The following CTNNA3 variants were observed in gnomAD, a reference collection of about 807,000 sequenced individuals.
The protein encoded by CTNNA3 is catenin alpha 3, also known as catenin alpha-3.
Under a neutral mutation model 95.7 loss-of-function variants are expected in CTNNA3, and 76 were observed. That is an observed-to-expected ratio of 0.79 (90% CI 0.66 to 0.96). The LOEUF (loss-of-function observed/expected upper bound fraction) is 0.96, where lower values mean the gene tolerates loss of function less well. CTNNA3 is among the 40% of genes least tolerant of loss of function. The pLI is 0.00. For synonymous variants in CTNNA3, 431 were observed against 374.4 expected (o/e 1.15, Z -1.74); for missense variants, 1,191 against 1,089.8 (o/e 1.09, Z -1.31).
intron 7 of CTNNA3, among the ~76,000 whole-genome samples, chr10:66,801,693 T>C (rs988804561): frequency 6.6e-6 from 1 of 151,636 alleles, no homozygotes; most frequent in Non-Finnish European, 1.5e-5. Flanking sequence ...GATTACTCAA[T>C]GGATTCATTA....
At chr10:65,966,314 T>C (rs2077964664) in intron 17 of CTNNA3, among the ~76,000 whole-genome samples, 1 of 152,204 alleles carries the variant, frequency 6.6e-6, no homozygotes, top group African/African-American at 2.4e-5. Context: ...GTTCCATCTG[T>C]ACACATTCTG....
chr10:66,114,444 ATATATGTATATATGTGTATATATGTGCG>A (rs1245232260), intron 13 of CTNNA3, among the ~76,000 whole-genome samples: 4 of 148,186 alleles, frequency 2.7e-5, no homozygotes, highest in South Asian at 2.1e-4. Context: ...ATATATGTGT[ATATATGTATATATGTGTATATATGTGCG>A]TATATGTATA....
intron 5 of CTNNA3, chr10:67,334,184 G>T: frequency 6.4e-6 from 1 of 155,766 alleles, no homozygotes; most frequent in Non-Finnish European, 1.4e-5. Context: ...GAAGCAGAAG[G>T]CCAACAAGGT....
rs114981035 is a variant in CTNNA3 at position 66,322,646 on chromosome 10, C to A, written c.1733-42025G>T. On this transcript the variant is annotated intron_variant, in intron 12 of 17. Coordinates refer to ENST00000433211, the MANE Select transcript of CTNNA3 (RefSeq NM_013266.4). ...AAACAAACAAGTGCCAGGAAAAGAA[C>A]AAATCCTGGTTGGCGGGAGGGAGTT... Among the ~76,000 whole-genome samples the A allele has an allele frequency of 6.0e-3, 920 of 152,168 alleles. 8 individuals are homozygous for A. Among genetic ancestry groups the A allele is most frequent in the African/African-American group, 0.021 (866 of 41,550 alleles).
intron 7 of CTNNA3, among the ~76,000 whole-genome samples, chr10:66,821,777 T>C (rs1842311965): frequency 6.6e-6 from 1 of 152,172 alleles, no homozygotes; most frequent in Admixed American, 6.6e-5. Flanking sequence ...GCTTTTATCA[T>C]CGTATTTATT....
chr10:67,370,377 T>C (rs1250906071), intron 5 of CTNNA3, among the ~76,000 whole-genome samples: 1 of 147,170 alleles, frequency 6.8e-6, no homozygotes, highest in Non-Finnish European at 1.5e-5. Context: ...GGTAATTATC[T>C]ATACTCTGCT....
chr10:66,139,926 T>C (rs758869272), intron 13 of CTNNA3, among the ~76,000 whole-genome samples: 3 of 152,316 alleles, frequency 2.0e-5, no homozygotes, highest in Middle Eastern at 3.4e-3. Flanking sequence ...GTAAAGGGAC[T>C]AGGAGGATCA....
intron 3 of CTNNA3, among the ~76,000 whole-genome samples, chr10:67,547,755 C>G (rs1840889791): frequency 3.9e-5 from 6 of 152,152 alleles, no homozygotes; most frequent in Admixed American, 3.9e-4. Context: ...GATTCTGAAC[C>G]ATTACAAAAG....
At chr10:67,162,763 C>A (rs1229194924) in intron 7 of CTNNA3, among the ~76,000 whole-genome samples, 1 of 151,218 alleles carries the variant, frequency 6.6e-6, no homozygotes, top group East Asian at 1.9e-4. Context: ...GAAAAATTAA[C>A]AAAAATAAAA....
At chr10:67,072,825 A>G (rs1856541638) in intron 7 of CTNNA3, among the ~76,000 whole-genome samples, 1 of 152,098 alleles carries the variant, frequency 6.6e-6, no homozygotes, top group Admixed American at 6.5e-5. Context: ...TGGTGTCTCC[A>G]GGCTGCCAAG....
chr10:66,708,933 A>G (rs1418070007), intron 9 of CTNNA3, among the ~76,000 whole-genome samples: 4 of 151,918 alleles, frequency 2.6e-5, no homozygotes, highest in Non-Finnish European at 4.4e-5. Context: ...CCATTTTTCT[A>G]TCTTGTATTT....
intron 11 of CTNNA3, among the ~76,000 whole-genome samples, chr10:66,493,124 G>C (rs916693308): frequency 2.0e-5 from 3 of 152,154 alleles, no homozygotes; most frequent in African/African-American, 7.2e-5. Flanking sequence ...GGAATAAGGA[G>C]ACAGGAATGA....
At chr10:67,584,094 T>A (rs1164075194) in intron 3 of CTNNA3, among the ~76,000 whole-genome samples, 1 of 152,224 alleles carries the variant, frequency 6.6e-6, no homozygotes, top group Non-Finnish European at 1.5e-5. Flanking sequence ...CATCCAGCTT[T>A]GTTCCGTTGC....
At chr10:66,066,042 T>C (rs949098460) in intron 15 of CTNNA3, among the ~76,000 whole-genome samples, 1 of 152,130 alleles carries the variant, frequency 6.6e-6, no homozygotes, top group African/African-American at 2.4e-5. Flanking sequence ...TTTGTATTTT[T>C]AGTAGAGACA....
At chr10:66,286,689 A>G (rs1241343509) in intron 12 of CTNNA3, among the ~76,000 whole-genome samples, 1 of 151,984 alleles carries the variant, frequency 6.6e-6, no homozygotes, top group Admixed American at 6.6e-5. Flanking sequence ...ATCTAGTAGG[A>G]GAAATGTATC....
chr10:66,892,632 G>A (rs1048473474), intron 7 of CTNNA3, among the ~76,000 whole-genome samples: 1 of 151,992 alleles, frequency 6.6e-6, no homozygotes, highest in African/African-American at 2.4e-5. Context: ...AGAAATAGTG[G>A]CATCCAGGGT....
At chr10:66,730,108 A>AG (rs1207053354) in intron 9 of CTNNA3, among the ~76,000 whole-genome samples, 3 of 151,436 alleles carry the variant, frequency 2.0e-5, no homozygotes, top group African/African-American at 7.3e-5. Flanking sequence ...TCTGTCTGAA[A>AG]AAAAAAAAAA....
chr10:66,239,933 C>A (rs1024079990), intron 13 of CTNNA3, among the ~76,000 whole-genome samples: 2 of 151,654 alleles, frequency 1.3e-5, no homozygotes, highest in African/African-American at 4.8e-5. Flanking sequence ...AAAACTCTGG[C>A]CAATTTATTT....
At chr10:66,153,848 TACACACACACACAC>T (rs148457020) in intron 13 of CTNNA3, among the ~76,000 whole-genome samples, 1 of 148,948 alleles carries the variant, frequency 6.7e-6, no homozygotes, top group Non-Finnish European at 1.5e-5. Context: ...ATAATTTGTT[TACACACACACACAC>T]ACACACACAC....
Sources: gnomAD v4.1 joint callset for allele counts (sites outside exome capture counted in the v4.1 genomes callset) on GRCh38, gnomAD v4.1.1 for gene constraint, MANE v1.5 for transcripts, NCBI Gene and HGNC (gene_info 2026-07-23, HGNC 2026-07-21) for gene names.